FAM3C: variants seen among roughly 807,000 people sequenced by gnomAD.
FAM3C encodes the protein FAM3 metabolism regulating signaling molecule C, also known as protein FAM3C.
FAM3C carries 15 observed loss-of-function variants against 32.5 expected under a neutral mutation model. The observed-to-expected ratio is 0.46, with a 90% CI of 0.31 to 0.71. The LOEUF is 0.71. FAM3C is among the 30% of genes least tolerant of loss of function. The probability of loss-of-function intolerance (pLI) is 0.05; values close to 1 mark genes in which losing one functional copy is unlikely to be tolerated. For missense variants in FAM3C, 175 were observed against 274.4 expected (o/e 0.64, Z 2.56); for synonymous variants, 75 against 86.1 (o/e 0.87, Z 0.72).
At chr7:121,364,086 A>G in intron 6 of FAM3C, 44 bp downstream of exon 6, 1 of 1,300,688 alleles carries the variant, frequency 7.7e-7, no homozygotes, top group Non-Finnish European at 1.1e-6. Context: ...GGGACAGAAA[A>G]ATACCCAATG....
At chr7:121,362,856 C>T (rs2536163) in intron 7 of FAM3C, 41 bp downstream of exon 7, 225,154 of 1,124,474 alleles carry the variant, frequency 0.2, 25,614 homozygotes, top group African/African-American at 0.43. Context: ...GTGATTAAGT[C>T]AGTGCCAGCA....
At chr7:121,382,507 T>G (rs949969270) in intron 2 of FAM3C, among the ~76,000 whole-genome samples, 7 of 151,744 alleles carry the variant, frequency 4.6e-5, no homozygotes, top group African/African-American at 1.7e-4. Context: ...CTCCCTAGGT[T>G]GTCAAACCAT....
chr7:121,390,081 A>G (rs902649743), intron 1 of FAM3C, among the ~76,000 whole-genome samples: 3 of 152,196 alleles, frequency 2.0e-5, no homozygotes, highest in Non-Finnish European at 2.9e-5. Flanking sequence ...ATGGTAAAAG[A>G]TCTGAAGAAC....
chr7:121,373,939 T>C (rs1469673299), intron 3 of FAM3C, among the ~76,000 whole-genome samples: 3 of 147,664 alleles, frequency 2.0e-5, no homozygotes, highest in Non-Finnish European at 3.0e-5. Flanking sequence ...GAGCTTGTGG[T>C]GAGCCGAGAT....
chr7:121,382,550 T>G (rs1218496909), intron 2 of FAM3C, among the ~76,000 whole-genome samples: 2 of 28,552 alleles, frequency 7.0e-5, no homozygotes, highest in Non-Finnish European at 1.3e-4. Context: ...AGTCTTTAGG[T>G]TTTTTTTTTT....
intron 2 of FAM3C, among the ~76,000 whole-genome samples, chr7:121,380,035 T>C (rs909128894): frequency 6.6e-6 from 1 of 152,184 alleles, no homozygotes; most frequent in African/African-American, 2.4e-5. Context: ...GAGAGCAAAA[T>C]TCTGTTAGGC....
intron 8 of FAM3C, among the ~76,000 whole-genome samples, chr7:121,358,807 A>G (rs1793864991): frequency 6.6e-6 from 1 of 152,068 alleles, no homozygotes; most frequent in Admixed American, 6.5e-5. Context: ...GCATTAGTCT[A>G]AAATTCTAAA....
At chr7:121,362,301 A>G (rs150058374) in intron 7 of FAM3C, among the ~76,000 whole-genome samples, 160 of 152,280 alleles carry the variant, frequency 1.1e-3, no homozygotes, top group African/African-American at 3.8e-3. Flanking sequence ...GAAGGGGAAA[A>G]TATCTGTGGA....
chr7:121,392,207 T>A (rs1794590304), intron 1 of FAM3C, among the ~76,000 whole-genome samples: 1 of 152,166 alleles, frequency 6.6e-6, no homozygotes, highest in Admixed American at 6.5e-5. Flanking sequence ...TGAAAACGTA[T>A]TGTATTAGTC....
rs148438475 is a variant in FAM3C, at chr7:121,360,081, T to C, written c.429A>G (p.Thr143=). 7 of 1,600,168 alleles carry C rather than the reference T, an allele frequency of 4.4e-6. No homozygotes were observed. The African/African-American group carries it at 8.0e-5, about 18-fold the overall frequency. Reference sequence around the variant, plus strand: ...CATCGTATGTTCCCATTAAAACTATTGTTCCATCTTGTATGGCCTTCAGAA... The same window carrying C: ...CATCGTATGTTCCCATTAAAACTATCGTTCCATCTTGTATGGCCTTCAGAA... ...IEFLKAIQDG[T]IVLMGTYDDG... is the part of the protein sequence containing the mutation. Residue 143 remains threonine (T), a synonymous_variant, in exon 8 of 10, where the codon ACA becomes ACG. Coordinates refer to ENST00000359943, the MANE Select transcript of FAM3C (RefSeq NM_014888.3).
At chr7:121,369,233 G>A (rs1255040648) in intron 5 of FAM3C, among the ~76,000 whole-genome samples, 5 of 151,748 alleles carry the variant, frequency 3.3e-5, no homozygotes, top group East Asian at 1.9e-4. Context: ...CACCCGCTTC[G>A]ACCTCCCAAA....
intron 1 of FAM3C, among the ~76,000 whole-genome samples, chr7:121,393,998 T>C (rs1794633521): frequency 6.6e-6 from 1 of 152,218 alleles, no homozygotes; most frequent in African/African-American, 2.4e-5. Flanking sequence ...TCTTTTGCTA[T>C]TTGGGTCTTG....
At chr7:121,354,708 AAG>A (rs1386946317) in intron 8 of FAM3C, among the ~76,000 whole-genome samples, 2 of 152,232 alleles carry the variant, frequency 1.3e-5, no homozygotes, top group African/African-American at 4.8e-5. Context: ...GTTGAAGAGT[AAG>A]AAATGCTAAC....
chr7:121,356,427 T>C (rs955138085), intron 8 of FAM3C, among the ~76,000 whole-genome samples: 3 of 152,218 alleles, frequency 2.0e-5, no homozygotes, highest in Admixed American at 1.3e-4. Context: ...TTCAAATACC[T>C]GAAGTATCAA....
chr7:121,352,500 T>C (rs1298110361), intron 8 of FAM3C, among the ~76,000 whole-genome samples: 1 of 152,160 alleles, frequency 6.6e-6, no homozygotes, highest in Non-Finnish European at 1.5e-5. Context: ...CTGTGGAGCA[T>C]TTAGCCTTTC....
intron 3 of FAM3C, among the ~76,000 whole-genome samples, chr7:121,377,333 T>C (rs1794258927): frequency 6.6e-6 from 1 of 152,214 alleles, no homozygotes; most frequent in Non-Finnish European, 1.5e-5. Context: ...CACAGCAGCA[T>C]GAGAACCTAA....
chr7:121,365,706 A>G (rs1794011655), intron 5 of FAM3C, among the ~76,000 whole-genome samples: 2 of 152,132 alleles, frequency 1.3e-5, no homozygotes, highest in Non-Finnish European at 2.9e-5. Flanking sequence ...CATACCAAAT[A>G]AAGACAGAAA....
intron 7 of FAM3C, among the ~76,000 whole-genome samples, chr7:121,360,812 T>C (rs1334140488): frequency 6.6e-6 from 1 of 152,012 alleles, no homozygotes. Flanking sequence ...TCTAGCCTGG[T>C]TGACACAGCA....
Position 121,355,342 on chromosome 7 carries a change from A to G in FAM3C, c.468-4073T>C, listed in dbSNP as rs150285929. Among the ~76,000 whole-genome samples the G allele has an allele frequency of 3.7e-3, 564 of 152,328 alleles. 5 individuals carry two copies. Among genetic ancestry groups the G allele is most frequent in the African/African-American group, 0.012 (517 of 41,582 alleles). ...TAGTGTCAGTTATTTTAGAAGCCTC[A>G]TGGAAAATGGGAGATGCTAAGACAT... On this transcript the variant is annotated intron_variant, in intron 8 of 9. Coordinates refer to ENST00000359943, the MANE Select transcript of FAM3C (RefSeq NM_014888.3).
Sources: gnomAD v4.1 joint callset for allele counts (sites outside exome capture counted in the v4.1 genomes callset) on GRCh38, gnomAD v4.1.1 for gene constraint, MANE v1.5 for transcripts, NCBI Gene and HGNC (gene_info 2026-07-23, HGNC 2026-07-21) for gene names.